Variants in SUPT5H observed in about 807,000 individuals in gnomAD.
SUPT5H encodes SPT5 homolog, DSIF elongation factor subunit.
In SUPT5H, 24 loss-of-function variants were observed where a neutral mutation model predicts 142.5. The ratio of observed to expected loss-of-function variants is 0.17; its 90% CI spans 0.12 to 0.24. SUPT5H has a LOEUF of 0.24. Ranked by LOEUF, SUPT5H falls within the 10% of genes least tolerant of loss-of-function variation. SUPT5H has a pLI of 1.00. For synonymous variants in SUPT5H, 546 were observed against 553.0 expected, an observed-to-expected ratio of 0.99 and a Z score of 0.18; for missense variants, 893 against 1,471.8, an observed-to-expected ratio of 0.61 and a Z score of 6.43.
At chr19:39,446,869 C>T (rs1346821236) in intron 2 of SUPT5H, among the ~76,000 whole-genome samples, 1 of 152,146 alleles carries the variant, frequency 6.6e-6, no homozygotes, top group Non-Finnish European at 1.5e-5. Context: ...ATTAGCTTGG[C>T]ATGGTGGCGC....
chr19:39,475,775 G>C (rs2146134397), intron 28 of SUPT5H: 1 of 373,088 alleles, frequency 2.7e-6, no homozygotes, highest in African/African-American at 2.1e-5. Context: ...CCTGAGACCA[G>C]GTCCAGGAAG....
In SUPT5H at chr19:39,476,371, G is replaced by T; in HGVS notation, c.3236G>T (p.Arg1079Leu). 6.2e-7 allele frequency: 1 copy of T among 1,614,104 alleles called. No individual in the cohort carries two copies. Among genetic ancestry groups the T allele is most frequent in the Non-Finnish European group, 8.5e-7 (1 of 1,180,028 alleles). Residue 1079 changes from arginine to leucine, a missense_variant, in exon 30 of 30, where the codon CGC becomes CTC. This residue lies in a region of SUPT5H where 336 missense variants were observed against 546.5 expected (regional missense o/e 0.61). Coordinates refer to ENST00000432763, the MANE Select transcript of SUPT5H (RefSeq NM_001111020.3). ...LDEQLKILNL[R>L]FLGKLLEA ...GAGCAGCTCAAGATCCTCAACCTCCGCTTCCTGGGGAAGCTCCTGGAAGCC... is the reference window on the plus strand; with the variant it reads ...GAGCAGCTCAAGATCCTCAACCTCCTCTTCCTGGGGAAGCTCCTGGAAGCC...
In SUPT5H at chr19:39,464,938, G is replaced by C; in HGVS notation, c.765G>C (p.Val255=). ...TTGGCTACTGGAACCAGCAGATGGT[G>C]CCCATCAAGGAGATGACAGACGTGC... ...LRLGYWNQQM[V]PIKEMTDVLK... is the part of the protein sequence containing the mutation. The change falls in exon 11 of 30, where the codon GTG becomes GTC. Residue 255 remains valine (V), a synonymous_variant. Coordinates refer to ENST00000432763, the MANE Select transcript of SUPT5H (RefSeq NM_001111020.3). The C allele has an allele frequency of 3.1e-6, 5 of 1,614,208 alleles. No homozygotes were observed. Among genetic ancestry groups the C allele is most frequent in the Non-Finnish European group, 4.2e-6 (5 of 1,180,034 alleles).
In SUPT5H at chr19:39,470,051, C is replaced by T. The variant is rs1600721665; in HGVS notation, c.1375-68C>T. The stretch of plus-strand genomic sequence containing the variant: ...TGAGAACATGCGTAGATTCTGAAGA[C>T]AGGAGGGGCAGGCAGGTTGTGGTGG... On this transcript the variant is annotated intron_variant, in intron 16 of 29. Transcript: ENST00000432763. This position sits in a 1 kb window ranked among gnomAD's most constrained non-coding sequence, Gnocchi z 5.8. The T allele has an allele frequency of 1.3e-6, 2 of 1,561,174 alleles. No homozygotes were observed. The highest frequency in any genetic ancestry group is 1.7e-6 in the Non-Finnish European group (2 of 1,145,744).
Position 39,469,939 on chromosome 19 carries a change from G to T in SUPT5H, c.1375-180G>T. ...TCCAGGTTGGTGTCCTGTGTCTGGG[G>T]TCAGCTGTTTCTGGGGCAGTCTGAG... On this transcript the variant is annotated intron_variant, in intron 16 of 29. Coordinates refer to ENST00000432763, the MANE Select transcript of SUPT5H (RefSeq NM_001111020.3). The surrounding 1 kb of genome is among the most constrained non-coding windows in gnomAD (Gnocchi z 5.1). 1 of 752,532 alleles carries T rather than the reference G, an allele frequency of 1.3e-6. No homozygotes were observed. The highest frequency in any genetic ancestry group is 3.9e-4 in the Middle Eastern group (1 of 2,560). The allele number at this position is 752,532 out of a possible 1,614,324, so 46.6% of individuals were successfully genotyped here.
Position 39,445,821 on chromosome 19 carries a change from T to A in SUPT5H, c.-70T>A. ...TCTCCCAGGGAACCAGCGGGGAAAC[T>A]GAGGCTCGGGGTGGAGCGCAGGATT... On this transcript the variant is annotated 5_prime_UTR_variant, in exon 2 of 30. Coordinates refer to ENST00000432763, the MANE Select transcript of SUPT5H (RefSeq NM_001111020.3). The A allele has an allele frequency of 6.4e-7, 1 of 1,570,338 alleles. No individual in the cohort carries two copies.
At chr19:39,450,456 T>G (rs1377237936) in intron 2 of SUPT5H, among the ~76,000 whole-genome samples, 1 of 152,182 alleles carries the variant, frequency 6.6e-6, no homozygotes, top group African/African-American at 2.4e-5. Flanking sequence ...GGGGACTTTT[T>G]ATACAGAAAA....
rs776450714 is a variant in SUPT5H at position 39,458,270 on chromosome 19, ACCACCT to A, written c.308-21_308-16del. 143 of 891,560 alleles carry A rather than the reference ACCACCT, an allele frequency of 1.6e-4. No homozygotes were observed. The highest frequency in any genetic ancestry group is 5.7e-4 in the Admixed American group (25 of 43,646). 55.2% of individuals were successfully genotyped at this position (891,560 alleles called of 1,614,324 possible). ...CACCACCACCACCACCACCACCACC[ACCACCT>A]CCTCTTCCTCCAAGTAGAAGAGATT... On this transcript the variant is annotated intron_variant, in intron 4 of 29. Coordinates refer to ENST00000432763, the MANE Select transcript of SUPT5H (RefSeq NM_001111020.3). The surrounding 1 kb of genome is among the most constrained non-coding windows in gnomAD (Gnocchi z 4.2).
chr19:39,474,677 A>G lies in SUPT5H; in HGVS notation c.2983A>G (p.Thr995Ala). Residue 995 changes from threonine (T) to alanine (A), a missense_variant, in exon 28 of 30, where the codon ACA becomes GCA. Thr to Ala is a moderately conservative substitution (Grantham distance 58). Transcript: ENST00000432763. This position sits in a 1 kb window ranked among gnomAD's most constrained non-coding sequence, Gnocchi z 6.5. ...QVKVRDTYLD[T>A]QVVGQTGVIR... ...GAAGGTGCGGGACACCTACCTGGATACACAGGTGGTGGGACAGACAGGTGT... is the reference window on the plus strand; with the variant it reads ...GAAGGTGCGGGACACCTACCTGGATGCACAGGTGGTGGGACAGACAGGTGT... The G allele has an allele frequency of 6.2e-7, 1 of 1,613,946 alleles. No homozygotes were observed.
At position 39,459,083 on chromosome 19, in the gene SUPT5H, T is replaced by A; in HGVS notation, c.458+10T>A. Reference sequence around the variant, plus strand: ...CATCTGTGGGAGAGACGTAAGGGCATGGTGGGGGCAGGTGGGGGCAGGGAG... The same window carrying A: ...CATCTGTGGGAGAGACGTAAGGGCAAGGTGGGGGCAGGTGGGGGCAGGGAG... On this transcript the variant is annotated intron_variant, in intron 7 of 29. Transcript: ENST00000432763. 10 of 1,611,818 alleles carry A rather than the reference T, an allele frequency of 6.2e-6. No individual in the cohort carries two copies. Among genetic ancestry groups the A allele is most frequent in the Non-Finnish European group, 7.6e-6 (9 of 1,179,384 alleles).
chr19:39,451,095 T>A (rs1295222704), intron 2 of SUPT5H, among the ~76,000 whole-genome samples: 1 of 26,074 alleles, frequency 3.8e-5, no homozygotes, highest in African/African-American at 3.1e-4. Flanking sequence ...GATTTTGGAT[T>A]TTTTTTTTTT....
intron 10 of SUPT5H, among the ~76,000 whole-genome samples, chr19:39,463,985 CTT>C (rs56190970): frequency 1.3e-4 from 18 of 135,966 alleles, no homozygotes; most frequent in Non-Finnish European, 1.6e-4. Flanking sequence ...CTTCTAGTTG[CTT>C]TTTTTTTTTT....
chr19:39,465,404 G>T (rs553198605), intron 11 of SUPT5H, among the ~76,000 whole-genome samples: 18 of 152,356 alleles, frequency 1.2e-4, no homozygotes, highest in African/African-American at 4.3e-4. Flanking sequence ...CGGCCCATTG[G>T]AGAGCTTTGG....
Position 39,473,944 on chromosome 19 carries a change from C to A in SUPT5H, c.2493-19C>A. On this transcript the variant is annotated intron_variant, in intron 25 of 29. Transcript: ENST00000432763. The surrounding 1 kb of genome is among the most constrained non-coding windows in gnomAD (Gnocchi z 5.8). ...GCATTATCACCACAGTCGCTGTCAA[C>A]AGACTTTTCTCCCAACAGGGCTGAG... 1.2e-6 allele frequency: 2 copies of A among 1,613,748 alleles called. No individual in the cohort carries two copies. Among genetic ancestry groups the A allele is most frequent in the Non-Finnish European group, 1.7e-6 (2 of 1,179,970 alleles).
At chr19:39,471,937 C>T (rs2079326712) in intron 20 of SUPT5H, 1 of 758,092 alleles carries the variant, frequency 1.3e-6, no homozygotes, top group Non-Finnish European at 2.0e-6. Flanking sequence ...TTTCATTTTA[C>T]TGAGCACCTG....
Position 39,458,475 on chromosome 19 carries a change from C to T in SUPT5H, c.319+170C>T, listed in dbSNP as rs2079120615. 5 of 1,235,228 alleles carry T rather than the reference C, an allele frequency of 4.0e-6. No individual in the cohort carries two copies. Among genetic ancestry groups the T allele is most frequent in the Non-Finnish European group, 5.6e-6 (5 of 888,154 alleles). 76.5% of individuals were successfully genotyped at this position (1,235,228 alleles called of 1,614,324 possible). A position where few individuals can be genotyped will look rare whatever the true frequency, so the allele number is the denominator to read the frequency against. On this transcript the variant is annotated intron_variant, in intron 5 of 29. Transcript: ENST00000432763. This position sits in a 1 kb window ranked among gnomAD's most constrained non-coding sequence, Gnocchi z 4.2. ...AGGGAGTTCTGGGGCCAGGTATACC[C>T]CAGTTGTTGACCTGGGAAAGCACGG...
chr19:39,449,414 C>T (rs1340978128), intron 2 of SUPT5H, among the ~76,000 whole-genome samples: 5 of 152,140 alleles, frequency 3.3e-5, no homozygotes, highest in Admixed American at 3.3e-4. Context: ...GTGGGCTAGT[C>T]GAGATTTGTG....
At position 39,470,187 on chromosome 19, in the gene SUPT5H, T is replaced by C; in HGVS notation, c.1443T>C (p.Ile481=). ...AGATGGGGGACCACGTGAAGGTGAT[T>C]GCTGGCCGATTCGAGGGCGACACAG... is the stretch of plus-strand genomic sequence containing the variant. The part of the protein sequence containing the change: ...YFKMGDHVKV[I]AGRFEGDTGL... The change falls in exon 17 of 30, where the codon ATT becomes ATC. Residue 481 remains isoleucine, a synonymous_variant. Coordinates refer to ENST00000432763, the MANE Select transcript of SUPT5H (RefSeq NM_001111020.3). This position sits in a 1 kb window ranked among gnomAD's most constrained non-coding sequence, Gnocchi z 5.8. The C allele has an allele frequency of 3.7e-6, 6 of 1,611,980 alleles. No individual in the cohort carries two copies. Among genetic ancestry groups the C allele is most frequent in the Non-Finnish European group, 3.4e-6 (4 of 1,178,768 alleles).
chr19:39,473,939 G>A lies in SUPT5H; in HGVS notation c.2493-24G>A, dbSNP rs772851655. The A allele has an allele frequency of 8.1e-6, 13 of 1,613,726 alleles. No individual in the cohort carries two copies. In the African/African-American group the frequency reaches 1.6e-4, roughly 20 times the overall value. On this transcript the variant is annotated intron_variant, in intron 25 of 29. Transcript: ENST00000432763. This position sits in a 1 kb window ranked among gnomAD's most constrained non-coding sequence, Gnocchi z 5.8. Reference sequence around the variant, plus strand: ...CCATCGCATTATCACCACAGTCGCTGTCAACAGACTTTTCTCCCAACAGGG... The same window carrying A: ...CCATCGCATTATCACCACAGTCGCTATCAACAGACTTTTCTCCCAACAGGG...
Sources: allele counts gnomAD v4.1 joint callset (sites outside exome capture counted in the v4.1 genomes callset), GRCh38; gene constraint gnomAD v4.1.1; regional missense constraint gnomAD v4.1.1; non-coding constraint Gnocchi (gnomAD v3.1); transcripts MANE v1.5; gene names NCBI Gene and HGNC (gene_info 2026-07-23, HGNC 2026-07-21).